The following PCDHAC2 variants were observed in gnomAD, a reference collection of about 807,000 sequenced individuals.
PCDHAC2 encodes the protein protocadherin alpha subfamily C, 2.
In PCDHAC2, 24 loss-of-function variants were observed where a neutral mutation model predicts 63.3. The ratio of observed to expected loss-of-function variants is 0.38; its 90% CI spans 0.27 to 0.53. PCDHAC2 has a LOEUF of 0.53. PCDHAC2 is among the 20% of genes least tolerant of loss of function. The pLI is 0.81. For missense variants in PCDHAC2, 1,181 were observed against 1,275.2 expected (o/e 0.93, Z 1.12); for synonymous variants, 569 against 529.4 (o/e 1.07, Z -1.03).
chr5:140,967,386 T>TA lies in PCDHAC2; in HGVS notation c.620_621insA (p.Glu208Ter). 1 of 1,609,114 alleles carries TA rather than the reference T, an allele frequency of 6.2e-7. No individual in the cohort carries two copies. Among genetic ancestry groups the TA allele is most frequent in the Non-Finnish European group, 8.5e-7 (1 of 1,176,412 alleles). Reference sequence around the variant, plus strand: ...CCCCTGCAGGAGAACAGTAAAGTGCTTGAGCTGGTGCTGCGTAAGGGCCTA... The same window carrying TA: ...CCCCTGCAGGAGAACAGTAAAGTGCTATGAGCTGGTGCTGCGTAAGGGCCTA... On this transcript the variant is annotated frameshift_variant, in exon 1 of 4. Transcript: ENST00000289269. LOFTEE classifies it high-confidence loss of function.
rs554327220 is a variant in PCDHAC2 at position 140,980,560 on chromosome 5, G to T, written c.2624+1553G>T. Reference sequence around the variant, plus strand: ...CAGGAGAATCGCTTGAACCCGGGAGGCGGAAGTTGCAGTGAGCCAAGATCG... The same window carrying T: ...CAGGAGAATCGCTTGAACCCGGGAGTCGGAAGTTGCAGTGAGCCAAGATCG... On this transcript the variant is annotated intron_variant, in intron 2 of 3. Coordinates refer to ENST00000289269, the MANE Select transcript of PCDHAC2 (RefSeq NM_018899.6). Among the ~76,000 whole-genome samples the T allele has an allele frequency of 1.6e-4, 25 of 152,244 alleles. No individual in the cohort carries two copies. The East Asian group carries it at 4.6e-3, about 28-fold the overall frequency.
In PCDHAC2 at chr5:140,966,838, G is replaced by A; in HGVS notation, c.72G>A (p.Leu24=). Residue 24 remains leucine, a synonymous_variant, in exon 1 of 4, where the codon CTG becomes CTA. Transcript: ENST00000289269. ...TCCGGCGGCCCATGCCCTGGCTGCT[G>A]CTACTGCCTCTCCTGCTGCTGTTGC... ...PRLRRPMPWL[L]LLPLLLLLLL... 6.4e-7 allele frequency: 1 copy of A among 1,566,774 alleles called. No individual in the cohort carries two copies. The highest frequency in any genetic ancestry group is 1.2e-5 in the South Asian group (1 of 86,300).
chr5:140,984,091 T>G (rs1357477287), intron 3 of PCDHAC2, among the ~76,000 whole-genome samples: 1 of 152,204 alleles, frequency 6.6e-6, no homozygotes. Context: ...GAAGAAATGA[T>G]GGAGGAGGAA....
At position 140,967,719 on chromosome 5, in the gene PCDHAC2, G is replaced by A. The variant is rs1422649398; in HGVS notation, c.953G>A (p.Arg318Gln). Residue 318 changes from arginine (R) to glutamine (Q), a missense_variant, in exon 1 of 4, where the codon CGA becomes CAA. Physicochemically the swap from Arg to Gln is conservative, Grantham distance 43 (BLOSUM62 1). Around this residue, in one of 3 missense-constraint regions of PCDHAC2, gnomAD observed 968 missense variants for 1,073.5 expected, o/e 0.90. Coordinates refer to ENST00000289269, the MANE Select transcript of PCDHAC2 (RefSeq NM_018899.6). ...FSIDASTGEVRVIGGLDYEEA... is the reference protein window; with the variant it reads ...FSIDASTGEVQVIGGLDYEEA... ...ATAGATGCCAGTACCGGGGAAGTGC[G>A]AGTAATTGGGGGGCTGGATTATGAG... 3 of 1,614,052 alleles carry A rather than the reference G, an allele frequency of 1.9e-6. No individual in the cohort carries two copies. In the African/African-American group the frequency reaches 4.0e-5, roughly 22 times the overall value.
intron 1 of PCDHAC2, among the ~76,000 whole-genome samples, chr5:140,972,660 A>ATTTTT (rs11350929): frequency 8.5e-5 from 10 of 117,262 alleles, no homozygotes; most frequent in Non-Finnish European, 1.6e-4. Context: ...AAGAAACCAA[A>ATTTTT]TTTTTTTTTT....
rs1450871721 is a variant in PCDHAC2, at chr5:140,999,541, C to T, written c.2714-10086C>T. 3.3e-5 allele frequency among the ~76,000 whole-genome samples: 5 copies of T among 152,150 alleles called. No individual in the cohort carries two copies. The East Asian group carries it at 9.7e-4, about 29-fold the overall frequency. On this transcript the variant is annotated intron_variant, in intron 3 of 3. Coordinates refer to ENST00000289269, the MANE Select transcript of PCDHAC2 (RefSeq NM_018899.6). ...TTTGTTACCCCCTGGATATGACAGC[C>T]AATGAAGAGGGGGTATTTTGAGAAG...
chr5:140,991,066 C>T (rs2097429810), intron 3 of PCDHAC2, among the ~76,000 whole-genome samples: 2 of 152,122 alleles, frequency 1.3e-5, no homozygotes, highest in Non-Finnish European at 2.9e-5. Context: ...TTATTATTCC[C>T]ATGTTTCAGA....
intron 1 of PCDHAC2, among the ~76,000 whole-genome samples, chr5:140,975,280 T>C (rs914764307): frequency 6.6e-6 from 1 of 152,252 alleles, no homozygotes; most frequent in Non-Finnish European, 1.5e-5. Flanking sequence ...CTCTGACCTC[T>C]AGACCCAGAT....
Position 140,982,684 on chromosome 5 carries a change from T to C in PCDHAC2, c.2713+121T>C. Reference sequence around the variant, plus strand: ...TTTTATATTTTTGTTATTCCCTTTTTTCCATACATACATGATTTCCTTACA... The same window carrying C: ...TTTTATATTTTTGTTATTCCCTTTTCTCCATACATACATGATTTCCTTACA... On this transcript the variant is annotated intron_variant, in intron 3 of 3. Transcript: ENST00000289269. The C allele has an allele frequency of 2.8e-6, 4 of 1,425,176 alleles. No individual in the cohort carries two copies. In the South Asian group the frequency reaches 6.0e-5, roughly 21 times the overall value. 88.3% of individuals were successfully genotyped at this position (1,425,176 alleles called of 1,614,324 possible).
Position 141,009,922 on chromosome 5 carries a change from C to G in PCDHAC2, c.3009C>G (p.Asp1003Glu), listed in dbSNP as rs1554262572. 6.2e-7 allele frequency: 1 copy of G among 1,608,774 alleles called. No individual in the cohort carries two copies. Among genetic ancestry groups the G allele is most frequent in the South Asian group, 1.1e-5 (1 of 90,050 alleles). The change falls in exon 4 of 4, where the codon GAC becomes GAG. Residue 1003 changes from aspartate to glutamate, a missense_variant. Coordinates refer to ENST00000289269, the MANE Select transcript of PCDHAC2 (RefSeq NM_018899.6). ...AAGAGAAAGGGAACAGCACGACTGACAACAGTGACCAGTGAGGTCCTCAAA... is the reference window on the plus strand; with the variant it reads ...AAGAGAAAGGGAACAGCACGACTGAGAACAGTGACCAGTGAGGTCCTCAAA... ...EKKEKGNSTT[D>E]NSDQ
chr5:141,005,701 CAAAAAAAAAAAAA>C (rs59860837), intron 3 of PCDHAC2, among the ~76,000 whole-genome samples: 12 of 7,786 alleles, frequency 1.5e-3, no homozygotes, highest in Non-Finnish European at 2.7e-3. Context: ...AACTCCGTCT[CAAAAAAAAAAAAA>C]AAAAAAAAAA....
intron 3 of PCDHAC2, among the ~76,000 whole-genome samples, chr5:140,992,594 G>A (rs782416770): frequency 2.6e-5 from 4 of 152,148 alleles, no homozygotes; most frequent in Non-Finnish European, 2.9e-5. Flanking sequence ...TGCATCTAGC[G>A]TCTGTGTCTA....
chr5:140,981,037 A>T (rs1427761331), intron 2 of PCDHAC2, among the ~76,000 whole-genome samples: 1 of 152,204 alleles, frequency 6.6e-6, no homozygotes, highest in Non-Finnish European at 1.5e-5. Context: ...TTTGGGGAAA[A>T]AAAACAGATA....
At chr5:140,995,000 T>A (rs149795080) in intron 3 of PCDHAC2, among the ~76,000 whole-genome samples, 1 of 152,328 alleles carries the variant, frequency 6.6e-6, no homozygotes, top group African/African-American at 2.4e-5. Flanking sequence ...GTTAGTTGGT[T>A]TGTTTATATT....
intron 1 of PCDHAC2, among the ~76,000 whole-genome samples, chr5:140,971,090 T>G (rs1554233007): frequency 1.3e-5 from 2 of 152,204 alleles, no homozygotes. Context: ...TAACAAATTC[T>G]TGTGAAGCCC....
intron 1 of PCDHAC2, among the ~76,000 whole-genome samples, chr5:140,971,045 T>C (rs2096453995): frequency 6.6e-6 from 1 of 152,090 alleles, no homozygotes; most frequent in East Asian, 1.9e-4. Context: ...CGTAAAAGGG[T>C]TTAGCTTTAA....
Position 141,009,727 on chromosome 5 carries a change from C to T in PCDHAC2, c.2814C>T (p.Pro938=), listed in dbSNP as rs781880006. The part of the protein sequence containing the change: ...YGPGNPKQSG[P]GELPDKFIIP... ...CAGGCAACCCCAAACAATCCGGTCC[C>T]GGTGAGTTGCCCGACAAATTCATTA... Residue 938 remains proline, a synonymous_variant, in exon 4 of 4, where the codon CCC becomes CCT. Coordinates refer to ENST00000289269, the MANE Select transcript of PCDHAC2 (RefSeq NM_018899.6). The T allele has an allele frequency of 3.1e-6, 5 of 1,614,022 alleles. No homozygotes were observed. The highest frequency in any genetic ancestry group is 2.2e-5 in the East Asian group (1 of 44,886).
chr5:141,009,269 A>G (rs2098404104), intron 3 of PCDHAC2, among the ~76,000 whole-genome samples: 1 of 152,140 alleles, frequency 6.6e-6, no homozygotes, highest in Non-Finnish European at 1.5e-5. Flanking sequence ...AGCCTGGGCA[A>G]CATAGTGAGA....
intron 3 of PCDHAC2, among the ~76,000 whole-genome samples, chr5:141,008,000 TA>T (rs2098355741): frequency 6.6e-6 from 1 of 152,264 alleles, no homozygotes; most frequent in Non-Finnish European, 1.5e-5. Context: ...TACATGTTAA[TA>T]AACTTCTGTT....
Sources: gnomAD v4.1 joint callset for allele counts (sites outside exome capture counted in the v4.1 genomes callset) on GRCh38, gnomAD v4.1.1 for gene constraint, gnomAD v4.1.1 regional missense constraint, MANE v1.5 for transcripts, NCBI Gene and HGNC (gene_info 2026-07-23, HGNC 2026-07-21) for gene names.